DCPH1: variants seen among roughly 807,000 people sequenced by gnomAD.
DCPH1 encodes the protein damage control phosphatase 1.
chr6:151,466,310 G>A, the DCPH1 span, among the ~76,000 whole-genome samples: 14 of 151,864 alleles, frequency 9.2e-5, no homozygotes, highest in Non-Finnish European at 1.8e-4. Context: ...AAAAAGACTG[G>A]CATGCTAGTT....
the DCPH1 span, chr6:151,468,592 T>C: frequency 1.7e-5 from 28 of 1,614,182 alleles, no homozygotes; most frequent in Non-Finnish European, 2.4e-5. Flanking sequence ...CGACTTCTTG[T>C]TGTCCTCTGA....
At chr6:151,464,976 G>A in the DCPH1 span, among the ~76,000 whole-genome samples, 3 of 152,100 alleles carry the variant, frequency 2.0e-5, no homozygotes, top group Non-Finnish European at 4.4e-5. Context: ...TTTGTGTTTG[G>A]ACCTGAGGCC....
the DCPH1 span, chr6:151,469,908 G>T: frequency 6.6e-6 from 1 of 152,060 alleles, no homozygotes; most frequent in East Asian, 1.9e-4. Context: ...GATAGAAAAG[G>T]TTCTTATGCA....
At chr6:151,468,395 G>C in the DCPH1 span, 1 of 1,588,460 alleles carries the variant, frequency 6.3e-7, no homozygotes, top group African/African-American at 1.4e-5. Context: ...GGAGAAAGTA[G>C]TTCTCAGAAT....
At chr6:151,458,565 A>T in the DCPH1 span, 8 of 1,607,672 alleles carry the variant, frequency 5.0e-6, no homozygotes, top group Admixed American at 3.3e-5. Flanking sequence ...TGAAGCAATT[A>T]TCCAGAGGTA....
At chr6:151,453,903 C>T in the DCPH1 span, among the ~76,000 whole-genome samples, 1 of 152,148 alleles carries the variant, frequency 6.6e-6, no homozygotes, top group South Asian at 2.1e-4. Context: ...TTCTTGAACA[C>T]TTCTATAAAA....
chr6:151,453,227 C>G, the DCPH1 span, among the ~76,000 whole-genome samples: 119 of 152,326 alleles, frequency 7.8e-4, no homozygotes, highest in African/African-American at 2.7e-3. Flanking sequence ...TCAGGTCATG[C>G]AAGTATAGAG....
At chr6:151,458,471 T>G in the DCPH1 span, 2 of 1,613,508 alleles carry the variant, frequency 1.2e-6, no homozygotes, top group South Asian at 2.2e-5. Flanking sequence ...ATCAACAGAG[T>G]CTTTTAAATG....
the DCPH1 span, chr6:151,452,676 G>T: frequency 6.0e-6 from 8 of 1,333,006 alleles, no homozygotes; most frequent in African/African-American, 7.7e-5. Flanking sequence ...CCCGCTCCCC[G>T]GTGGGCTGCG....
At chr6:151,463,406 G>A in the DCPH1 span, among the ~76,000 whole-genome samples, 2 of 152,192 alleles carry the variant, frequency 1.3e-5, no homozygotes, top group East Asian at 1.9e-4. Flanking sequence ...AAATCACTCC[G>A]AGTGACTTTT....
At chr6:151,469,096 G>T in the DCPH1 span, 5 of 1,609,856 alleles carry the variant, frequency 3.1e-6, 1 homozygote, top group South Asian at 3.3e-5. Context: ...ATTTCAGTAC[G>T]ATGGTCCCCT....
the DCPH1 span, among the ~76,000 whole-genome samples, chr6:151,457,569 T>C: frequency 6.6e-6 from 1 of 152,200 alleles, no homozygotes; most frequent in East Asian, 1.9e-4. Flanking sequence ...TCAATCTTTT[T>C]TTCTAGCAGC....
At chr6:151,469,321 A>G in the DCPH1 span, 1 of 411,660 alleles carries the variant, frequency 2.4e-6, no homozygotes, top group East Asian at 3.6e-5. Flanking sequence ...TAAGCAAGTT[A>G]AAGATATTTA....
At chr6:151,457,604 A>G in the DCPH1 span, among the ~76,000 whole-genome samples, 2 of 152,196 alleles carry the variant, frequency 1.3e-5, no homozygotes, top group Admixed American at 6.5e-5. Flanking sequence ...TTGGAACAAA[A>G]GAAAGATTGG....
At chr6:151,456,654 CTTG>C in the DCPH1 span, among the ~76,000 whole-genome samples, 37 of 152,040 alleles carry the variant, frequency 2.4e-4, no homozygotes, top group Admixed American at 4.6e-4. Flanking sequence ...TTTTGTTTTT[CTTG>C]TTGTTGTTTT....
At chr6:151,453,279 C>T in the DCPH1 span, among the ~76,000 whole-genome samples, 2 of 152,182 alleles carry the variant, frequency 1.3e-5, no homozygotes, top group Non-Finnish European at 2.9e-5. Context: ...TCTGGCCTCA[C>T]TCCAGTCCTG....
At chr6:151,466,900 T>C in the DCPH1 span, among the ~76,000 whole-genome samples, 1,096 of 152,310 alleles carry the variant, frequency 7.2e-3, 10 homozygotes, top group Middle Eastern at 0.041. Flanking sequence ...TTGGACACTT[T>C]AGTTATTATT....
At chr6:151,469,485 C>T in the DCPH1 span, 1 of 164,292 alleles carries the variant, frequency 6.1e-6, no homozygotes, top group African/African-American at 2.4e-5. Context: ...TAGTACACTG[C>T]ATGGTATTTA....
the DCPH1 span, among the ~76,000 whole-genome samples, chr6:151,456,503 T>C: frequency 9.3e-4 from 142 of 152,370 alleles, no homozygotes; most frequent in African/African-American, 3.3e-3. Flanking sequence ...CTGACAATTA[T>C]ATTGCTGAAT....
Sources: gnomAD v4.1 joint callset for allele counts (sites outside exome capture counted in the v4.1 genomes callset) on GRCh38, gnomAD v4.1.1 for gene constraint, MANE v1.5 for transcripts, NCBI Gene and HGNC (gene_info 2026-07-23, HGNC 2026-07-21) for gene names.